ATP8A2: variants seen among roughly 807,000 people sequenced by gnomAD.
ATP8A2 encodes phospholipid-transporting ATPase IB.
ATP8A2 carries 100 observed loss-of-function variants against 165.6 expected under a neutral mutation model. The observed-to-expected ratio is 0.60, with a 90% CI of 0.51 to 0.71. The LOEUF (loss-of-function observed/expected upper bound fraction) is 0.71, where lower values mean the gene tolerates loss of function less well. Ranked by LOEUF, ATP8A2 falls within the 30% of genes least tolerant of loss-of-function variation. ATP8A2 has a pLI of 0.00. For synonymous variants in ATP8A2, 543 were observed against 548.8 expected, an observed-to-expected ratio of 0.99 and a Z score of 0.15; for missense variants, 1,227 against 1,479.5, an observed-to-expected ratio of 0.83 and a Z score of 2.80.
chr13:25,518,360 A>G (rs1221799808), intron 2 of ATP8A2, among the ~76,000 whole-genome samples: 1 of 152,126 alleles, frequency 6.6e-6, no homozygotes, highest in African/African-American at 2.4e-5. Flanking sequence ...TCCGGTGGGG[A>G]CGCTTAAAGC....
At position 25,378,753 on chromosome 13, in the gene ATP8A2, G is replaced by T. The variant is rs74042943; in HGVS notation, c.76+6465G>T. Among the ~76,000 whole-genome samples, 697 of 152,302 alleles carry T rather than the reference G, an allele frequency of 4.6e-3. 7 individuals carry two copies. Among genetic ancestry groups the T allele is most frequent in the African/African-American group, 0.016 (665 of 41,552 alleles). ...AACTGACAGCACTTGGCTGTCTCCG[G>T]CCCTGCTGTCCTAGCTACTCTGCAG... On this transcript the variant is annotated intron_variant, in intron 1 of 36. Transcript: ENST00000381655.
intron 24 of ATP8A2, among the ~76,000 whole-genome samples, chr13:25,657,203 G>T (rs769910397): frequency 1.3e-5 from 2 of 152,102 alleles, no homozygotes; most frequent in Non-Finnish European, 2.9e-5. Flanking sequence ...AATGAGTTTG[G>T]TGTTCAGGTC....
At chr13:25,729,721 A>G (rs959934934) in intron 25 of ATP8A2, among the ~76,000 whole-genome samples, 1 of 151,574 alleles carries the variant, frequency 6.6e-6, no homozygotes, top group Non-Finnish European at 1.5e-5. Context: ...GTTAAACTGA[A>G]AAAAAAAAGC....
At chr13:25,754,006 T>G (rs1251804345) in intron 25 of ATP8A2, among the ~76,000 whole-genome samples, 1 of 152,228 alleles carries the variant, frequency 6.6e-6, no homozygotes, top group Non-Finnish European at 1.5e-5. Context: ...TGTGACTTAG[T>G]CAATGAGCCG....
At chr13:25,831,927 T>TA (rs1951485176) in intron 28 of ATP8A2, among the ~76,000 whole-genome samples, 1 of 222 alleles carries the variant, frequency 4.5e-3, no homozygotes, top group African/African-American at 0.022. Flanking sequence ...ATATCCATAG[T>TA]CAATTTCTTT....
chr13:25,994,623 T>C (rs1337509111), intron 35 of ATP8A2, among the ~76,000 whole-genome samples: 1 of 152,176 alleles, frequency 6.6e-6, no homozygotes. Flanking sequence ...AAATGCTTTA[T>C]CTGCATGAAC....
intron 1 of ATP8A2, among the ~76,000 whole-genome samples, chr13:25,386,187 A>G (rs2033036908): frequency 6.6e-6 from 1 of 152,012 alleles, no homozygotes; most frequent in African/African-American, 2.4e-5. Context: ...AAGTGCTGGG[A>G]TTACAGGTGT....
chr13:25,528,392 C>A (rs753816406), intron 2 of ATP8A2, among the ~76,000 whole-genome samples: 1 of 152,138 alleles, frequency 6.6e-6, no homozygotes, highest in African/African-American at 2.4e-5. Flanking sequence ...TTGTGAAATG[C>A]GAGGCCATTG....
At chr13:25,761,924 G>C (rs552896452) in intron 25 of ATP8A2, among the ~76,000 whole-genome samples, 1 of 151,970 alleles carries the variant, frequency 6.6e-6, no homozygotes, top group South Asian at 2.1e-4. Context: ...TCCCAGGAGA[G>C]CCCTTTGTAA....
intron 1 of ATP8A2, among the ~76,000 whole-genome samples, chr13:25,379,739 T>C (rs1481929557): frequency 1.3e-5 from 2 of 152,152 alleles, no homozygotes; most frequent in African/African-American, 4.8e-5. Flanking sequence ...GCTAAGCGTG[T>C]AAGATAGTGT....
chr13:25,375,317 A>G (rs1163439348), intron 1 of ATP8A2, among the ~76,000 whole-genome samples: 1 of 152,230 alleles, frequency 6.6e-6, no homozygotes, highest in East Asian at 1.9e-4. Flanking sequence ...ACTACAGTGC[A>G]CGTGGGAAGA....
intron 26 of ATP8A2, among the ~76,000 whole-genome samples, chr13:25,774,421 G>A (rs2044694676): frequency 6.6e-6 from 1 of 152,126 alleles, no homozygotes; most frequent in Non-Finnish European, 1.5e-5. Context: ...GAGGCAGGGG[G>A]AGGGAGGGCA....
rs1218930203 is a variant in ATP8A2, at chr13:26,021,773, A to G, written c.*1788A>G. ...AATTTATCACATGACTGTGCAGCGA[A>G]GGAGCACACCTGTCACTCTTAGCTC... On this transcript the variant is annotated 3_prime_UTR_variant, in exon 37 of 37. Transcript: ENST00000381655. The G allele has an allele frequency of 6.6e-6, 1 of 152,226 alleles. No homozygotes were observed. Among genetic ancestry groups the G allele is most frequent in the Non-Finnish European group, 1.5e-5 (1 of 68,044 alleles). The allele number at this position is 152,226 out of a possible 1,614,324, so 9.4% of individuals were successfully genotyped here.
chr13:25,623,859 C>T (rs186696872), intron 24 of ATP8A2, among the ~76,000 whole-genome samples: 1 of 151,924 alleles, frequency 6.6e-6, no homozygotes, highest in Non-Finnish European at 1.5e-5. Context: ...ATAAATTATG[C>T]ATAGATATAT....
intron 16 of ATP8A2, among the ~76,000 whole-genome samples, chr13:25,564,787 G>A (rs1197829375): frequency 6.6e-6 from 1 of 152,170 alleles, no homozygotes; most frequent in Non-Finnish European, 1.5e-5. Flanking sequence ...GTGAGATTTT[G>A]TGAGATTGTG....
At chr13:25,510,335 A>C (rs2037185969) in intron 2 of ATP8A2, among the ~76,000 whole-genome samples, 1 of 152,230 alleles carries the variant, frequency 6.6e-6, no homozygotes, top group African/African-American at 2.4e-5. Flanking sequence ...GAAAAGGAGA[A>C]GGATGTGGTT....
intron 33 of ATP8A2, among the ~76,000 whole-genome samples, chr13:25,885,201 C>T (rs1181902886): frequency 6.6e-6 from 1 of 151,256 alleles, no homozygotes. Flanking sequence ...CAACCTCCGC[C>T]TCCTGGGTTC....
rs140487883 is a variant in ATP8A2 at position 25,409,805 on chromosome 13, G to A, written c.76+37517G>A. Reference sequence around the variant, plus strand: ...ATAATTACTTTTATGGCAGATAGTCGTGGTTAGGGTATAGTCTGACTCCCA... The same window carrying A: ...ATAATTACTTTTATGGCAGATAGTCATGGTTAGGGTATAGTCTGACTCCCA... On this transcript the variant is annotated intron_variant, in intron 1 of 36. Coordinates refer to ENST00000381655, the MANE Select transcript of ATP8A2 (RefSeq NM_016529.6). 1.2e-3 allele frequency among the ~76,000 whole-genome samples: 180 copies of A among 152,070 alleles called. 1 individual carries two copies. Among genetic ancestry groups the A allele is most frequent in the African/African-American group, 3.0e-3 (123 of 41,470 alleles).
intron 2 of ATP8A2, 34 bp from the exon 3 acceptor site, chr13:25,529,965 T>G (rs777965342): frequency 1.6e-6 from 2 of 1,212,928 alleles, no homozygotes; most frequent in South Asian, 2.5e-5. Flanking sequence ...TTTACATCTA[T>G]AACTGATAGT....
Sources: allele counts gnomAD v4.1 joint callset (sites outside exome capture counted in the v4.1 genomes callset), GRCh38; gene constraint gnomAD v4.1.1; transcripts MANE v1.5; gene names NCBI Gene and HGNC (gene_info 2026-07-23, HGNC 2026-07-21).